The following PAK1 variants were observed in gnomAD, a reference collection of about 807,000 sequenced individuals.
PAK1 encodes serine/threonine-protein kinase PAK 1.
A neutral mutation model predicts 67.4 loss-of-function variants in PAK1; 29 were observed. That is an observed-to-expected ratio of 0.43 (90% CI 0.32 to 0.59). The LOEUF is 0.59. PAK1 is among the 20% of genes least tolerant of loss of function. PAK1 has a pLI of 0.07. For missense variants in PAK1, 337 were observed against 670.7 expected, an observed-to-expected ratio of 0.50 and a Z score of 5.50; for synonymous variants, 223 against 237.4, an observed-to-expected ratio of 0.94 and a Z score of 0.56.
chr11:77,487,199 G>T, the PAK1 span, among the ~76,000 whole-genome samples: 8 of 152,044 alleles, frequency 5.3e-5, no homozygotes, highest in Admixed American at 5.2e-4. Flanking sequence ...ACACACTCTG[G>T]GCCAGAAGGG....
intron 14 of PAK1, among the ~76,000 whole-genome samples, chr11:77,330,387 C>T (rs1407782601): frequency 1.3e-5 from 2 of 152,276 alleles, no homozygotes; most frequent in East Asian, 1.9e-4. Context: ...TCAAACTATA[C>T]TACAAGGCTA....
chr11:77,342,227 A>AT (rs35167939), intron 10 of PAK1, among the ~76,000 whole-genome samples: 81 of 147,720 alleles, frequency 5.5e-4, no homozygotes, highest in Admixed American at 1.2e-3. Flanking sequence ...TTACAGAGGT[A>AT]TTTTTTTTTT....
At chr11:77,372,126 G>A (rs17135588) in intron 5 of PAK1, among the ~76,000 whole-genome samples, 2,099 of 152,256 alleles carry the variant, frequency 0.014, 18 homozygotes, top group Non-Finnish European at 0.018. Flanking sequence ...TTTTAACACC[G>A]TGCATCGCAG....
intron 1 of PAK1, among the ~76,000 whole-genome samples, chr11:77,468,616 A>G (rs896253741): frequency 3.3e-5 from 5 of 152,224 alleles, no homozygotes; most frequent in African/African-American, 1.2e-4. Flanking sequence ...CTGCAACATC[A>G]TGACCATCTG....
At chr11:77,476,238 TACAA>T (rs1297984102), upstream of PAK1, 1 of 152,256 alleles carries the variant, frequency 6.6e-6, no homozygotes, top group East Asian at 1.9e-4. Flanking sequence ...CTGAGCACTT[TACAA>T]ACACTGTCTT....
Position 77,358,832 on chromosome 11 carries a change from C to A in PAK1, c.597+66G>T. ...AATATTAAACTTCTAGGTATCAGCA[C>A]CAACTCCTCCCTCTCCCCACTTACT... On this transcript the variant is annotated intron_variant, in intron 6 of 14. Transcript: ENST00000356341. 3 of 1,552,266 alleles carry A rather than the reference C, an allele frequency of 1.9e-6. No individual in the cohort carries two copies. In the South Asian group the frequency reaches 3.4e-5, roughly 18 times the overall value.
At chr11:77,460,322 G>GT (rs1565718723) in intron 1 of PAK1, among the ~76,000 whole-genome samples, 1,165 of 114,190 alleles carry the variant, frequency 0.01, 16 homozygotes, top group Middle Eastern at 0.042. Context: ...TTTTTTGTTT[G>GT]CTTTTTTTTT....
At chr11:77,359,062 G>T (rs1416555781) in intron 5 of PAK1, 45 bp from the exon 6 acceptor site, 1 of 1,586,744 alleles carries the variant, frequency 6.3e-7, no homozygotes, top group Admixed American at 1.8e-5. Context: ...CAGCTGCCAT[G>T]GAACTTAACT....
intron 1 of PAK1, among the ~76,000 whole-genome samples, chr11:77,469,156 C>G (rs28418374): frequency 0.032 from 4,832 of 152,272 alleles, 128 homozygotes; most frequent in African/African-American, 0.073. Context: ...AAAGCAGCCT[C>G]TGTACTGAAA....
chr11:77,394,072 T>TGGA (rs1448235425), intron 1 of PAK1, among the ~76,000 whole-genome samples: 1 of 152,210 alleles, frequency 6.6e-6, no homozygotes, highest in East Asian at 1.9e-4. Flanking sequence ...TGTTATTATC[T>TGGA]TAAATAAACG....
chr11:77,360,446 T>C (rs1381612430), intron 5 of PAK1, among the ~76,000 whole-genome samples: 1 of 152,256 alleles, frequency 6.6e-6, no homozygotes, highest in South Asian at 2.1e-4. Flanking sequence ...TGTCAAAATA[T>C]GTATTTCGAT....
chr11:77,393,346 G>A (rs1271011448), intron 1 of PAK1, among the ~76,000 whole-genome samples: 1 of 151,634 alleles, frequency 6.6e-6, no homozygotes, highest in Non-Finnish European at 1.5e-5. Flanking sequence ...CCAGGCTGGA[G>A]TGCAGTGGTA....
rs558362487 is a variant in PAK1 at position 77,341,441 on chromosome 11, G to T, written c.999-678C>A. 5.3e-5 allele frequency among the ~76,000 whole-genome samples: 8 copies of T among 152,314 alleles called. 1 individual carries two copies. In the East Asian group the frequency reaches 1.5e-3, roughly 29 times the overall value. The stretch of plus-strand genomic sequence containing the variant: ...GTGGTTCAAGAATGGAATGAATTTA[G>T]CAAGGGCTTATGGAGCCAAAGCCTT... On this transcript the variant is annotated intron_variant, in intron 10 of 14. Coordinates refer to ENST00000356341, the MANE Select transcript of PAK1 (RefSeq NM_002576.5).
intron 1 of PAK1, among the ~76,000 whole-genome samples, chr11:77,408,532 T>TACACAC (rs377689850): frequency 0.057 from 7,878 of 137,764 alleles, 403 homozygotes; most frequent in East Asian, 0.16. Context: ...TATGGAGAAA[T>TACACAC]ACACACACAC....
intron 2 of PAK1, among the ~76,000 whole-genome samples, chr11:77,384,762 T>C (rs766758240): frequency 6.6e-5 from 10 of 152,170 alleles, no homozygotes; most frequent in South Asian, 2.1e-4. Context: ...GAGGAACGAC[T>C]GCAATGAGTA....
At chr11:77,490,522 G>A in the PAK1 span, among the ~76,000 whole-genome samples, 10 of 144,114 alleles carry the variant, frequency 6.9e-5, no homozygotes, top group East Asian at 2.0e-3. Flanking sequence ...TCAGCCCCAC[G>A]CCCGGCCAGC....
chr11:77,373,717 T>C (rs1948737843), intron 5 of PAK1, among the ~76,000 whole-genome samples: 1 of 152,168 alleles, frequency 6.6e-6, no homozygotes, highest in Admixed American at 6.6e-5. Flanking sequence ...ATCATCTAGT[T>C]TACTCTCCAG....
chr11:77,332,367 A>AAGGGAAGG (rs1941809356), intron 14 of PAK1, among the ~76,000 whole-genome samples: 1 of 42 alleles, frequency 0.024, no homozygotes, highest in African/African-American at 0.1. Flanking sequence ...GGGAAGGGAA[A>AAGGGAAGG]GGAAGGGAAG....
intron 7 of PAK1, among the ~76,000 whole-genome samples, chr11:77,353,905 A>G (rs1232508188): frequency 6.6e-5 from 10 of 152,190 alleles, no homozygotes; most frequent in Non-Finnish European, 7.3e-5. Flanking sequence ...TGTGTTAGGA[A>G]TGAAGAGATA....
Sources: allele counts gnomAD v4.1 joint callset (sites outside exome capture counted in the v4.1 genomes callset), GRCh38; gene constraint gnomAD v4.1.1; transcripts MANE v1.5; gene names NCBI Gene and HGNC (gene_info 2026-07-23, HGNC 2026-07-21).